Variants in PRLR observed in about 807,000 individuals in gnomAD.
PRLR encodes the protein prolactin receptor, also known as hPRL receptor.
PRLR carries 13 observed loss-of-function variants against 40.2 expected under a neutral mutation model. The observed-to-expected ratio is 0.32, with a 90% CI of 0.21 to 0.51. The LOEUF is 0.51. PRLR is among the 20% of genes least tolerant of loss of function. PRLR has a pLI of 0.97. For missense variants in PRLR, 656 were observed against 747.3 expected, an observed-to-expected ratio of 0.88 and a Z score of 1.42; for synonymous variants, 269 against 278.7, an observed-to-expected ratio of 0.97 and a Z score of 0.35.
At position 35,064,856 on chromosome 5, in the gene PRLR, A is replaced by G. The variant is rs1475554606; in HGVS notation, c.*233T>C. On this transcript the variant is annotated 3_prime_UTR_variant, in exon 10 of 10. Coordinates refer to ENST00000618457, the MANE Select transcript of PRLR (RefSeq NM_000949.7). The stretch of plus-strand genomic sequence containing the variant: ...AGTGTGCTTTTATTTCATTGAACAC[A>G]TAGTTTTATAACTAACAGCAAAAAG... 5.6e-6 allele frequency: 3 copies of G among 536,356 alleles called. No individual in the cohort carries two copies. The allele number at this position is 536,356 out of a possible 1,614,324, so 33.2% of individuals were successfully genotyped here.
At chr5:35,049,097 C>T (rs1561242416) in exon 9 of PRLR, 1 of 687,620 alleles carries the variant, frequency 1.5e-6, no homozygotes, top group Non-Finnish European at 2.7e-6. Context: ...GTTTCCAGCT[C>T]CCAGTCAATT....
At chr5:35,215,325 T>A (rs983571560) in intron 1 of PRLR, among the ~76,000 whole-genome samples, 1 of 152,204 alleles carries the variant, frequency 6.6e-6, no homozygotes, top group Non-Finnish European at 1.5e-5. Context: ...CCTTTGAGGC[T>A]CATAAATTTC....
chr5:35,152,606 T>C (rs1774373437), intron 1 of PRLR, among the ~76,000 whole-genome samples: 1 of 152,200 alleles, frequency 6.6e-6, no homozygotes. Flanking sequence ...AGTACAAGTA[T>C]TGTCTAAGTA....
intron 2 of PRLR, 23 bp downstream of exon 2, chr5:35,118,038 G>T (rs780983049): frequency 8.2e-5 from 80 of 978,880 alleles, no homozygotes; most frequent in Non-Finnish European, 9.5e-5. Flanking sequence ...TGACCGAGGG[G>T]CATGAGAACA....
At chr5:35,053,987 C>T (rs980280324), downstream of PRLR, among the ~76,000 whole-genome samples, 1 of 152,094 alleles carries the variant, frequency 6.6e-6, no homozygotes, top group East Asian at 1.9e-4. Flanking sequence ...CCTGGACTAA[C>T]ATTTGGGCAT....
intron 1 of PRLR, among the ~76,000 whole-genome samples, chr5:35,177,333 G>C (rs967099338): frequency 6.6e-6 from 1 of 152,118 alleles, no homozygotes; most frequent in African/African-American, 2.4e-5. Flanking sequence ...CACAGGTGTG[G>C]AGGGGCAACC....
intron 1 of PRLR, among the ~76,000 whole-genome samples, chr5:35,121,620 T>G (rs1421338514): frequency 6.6e-6 from 1 of 152,248 alleles, no homozygotes; most frequent in Admixed American, 6.5e-5. Flanking sequence ...CAACATTTAC[T>G]AAGTTCTTAA....
chr5:35,072,873 A>G (rs1180242558), intron 5 of PRLR, 129 bp from the exon 6 acceptor site: 8 of 1,061,076 alleles, frequency 7.5e-6, no homozygotes, highest in Non-Finnish European at 1.1e-5. Context: ...AAGCCCCCCA[A>G]ATACCCGGGC....
intron 1 of PRLR, among the ~76,000 whole-genome samples, chr5:35,207,783 C>T (rs1358111787): frequency 1.3e-5 from 2 of 152,010 alleles, no homozygotes; most frequent in African/African-American, 2.4e-5. Flanking sequence ...TATACACACA[C>T]GTATGCTTTT....
chr5:35,219,741 G>A (rs575226409), intron 1 of PRLR, among the ~76,000 whole-genome samples: 3 of 152,176 alleles, frequency 2.0e-5, no homozygotes, highest in Non-Finnish European at 4.4e-5. Flanking sequence ...ATGGTTAAGA[G>A]GCAAAAGCAG....
intron 2 of PRLR, among the ~76,000 whole-genome samples, chr5:35,110,224 G>T (rs1772568854): frequency 6.6e-6 from 1 of 152,136 alleles, no homozygotes; most frequent in Non-Finnish European, 1.5e-5. Context: ...TCATTGGATG[G>T]GGGGAGGGGG....
At chr5:35,106,046 G>C (rs1257884272) in intron 2 of PRLR, among the ~76,000 whole-genome samples, 9 of 152,244 alleles carry the variant, frequency 5.9e-5, no homozygotes, top group Non-Finnish European at 1.5e-5. Context: ...AACTCTGCAA[G>C]CCAGAAGAGA....
intron 2 of PRLR, among the ~76,000 whole-genome samples, chr5:35,114,017 CTTGCCTT>C (rs1772860884): frequency 6.6e-6 from 1 of 152,194 alleles, no homozygotes; most frequent in African/African-American, 2.4e-5. Flanking sequence ...GGTGATCTCA[CTTGCCTT>C]TTGCCTGTGA....
At chr5:35,091,301 C>G (rs1034602897) in intron 2 of PRLR, among the ~76,000 whole-genome samples, 5 of 152,152 alleles carry the variant, frequency 3.3e-5, no homozygotes, top group African/African-American at 1.2e-4. Flanking sequence ...TGAGGGTCAT[C>G]TAATTAAAAT....
chr5:35,079,322 C>T (rs904928764), intron 5 of PRLR, among the ~76,000 whole-genome samples: 7 of 152,122 alleles, frequency 4.6e-5, no homozygotes, highest in Non-Finnish European at 7.3e-5. Context: ...TCATCTCAGC[C>T]CAAAATCTCC....
At chr5:35,116,010 G>C (rs929940537) in intron 2 of PRLR, among the ~76,000 whole-genome samples, 1 of 152,084 alleles carries the variant, frequency 6.6e-6, no homozygotes, top group Non-Finnish European at 1.5e-5. Flanking sequence ...GTTTCTCTTG[G>C]ATGACCATGC....
intron 1 of PRLR, among the ~76,000 whole-genome samples, chr5:35,206,612 G>A (rs1377049341): frequency 6.6e-6 from 1 of 152,042 alleles, no homozygotes; most frequent in Non-Finnish European, 1.5e-5. Flanking sequence ...ATTTCATTTT[G>A]AAGTTGATTA....
At chr5:35,178,790 T>C (rs1430835196) in intron 1 of PRLR, among the ~76,000 whole-genome samples, 1 of 152,170 alleles carries the variant, frequency 6.6e-6, no homozygotes, top group South Asian at 2.1e-4. Context: ...ACTATCAATA[T>C]TAATATACTA....
intron 1 of PRLR, among the ~76,000 whole-genome samples, chr5:35,174,530 T>C (rs900083241): frequency 6.6e-6 from 1 of 152,236 alleles, no homozygotes; most frequent in South Asian, 2.1e-4. Context: ...TGCCTTTCTC[T>C]TTCAAACAAC....
Sources: allele counts gnomAD v4.1 joint callset (sites outside exome capture counted in the v4.1 genomes callset), GRCh38; gene constraint gnomAD v4.1.1; transcripts MANE v1.5; gene names NCBI Gene and HGNC (gene_info 2026-07-23, HGNC 2026-07-21).